TMEM50A: variants seen among roughly 807,000 people sequenced by gnomAD.
TMEM50A encodes cervical cancer oncogene 9.
A neutral mutation model predicts 23.9 loss-of-function variants in TMEM50A; 8 were observed. That is an observed-to-expected ratio of 0.33 (90% confidence interval 0.20 to 0.60). The LOEUF (loss-of-function observed/expected upper bound fraction) is 0.60. Among genes scored for constraint, TMEM50A ranks in the 20% least tolerant of loss-of-function variants. TMEM50A has a pLI of 0.81. For missense variants in TMEM50A, 178 were observed against 192.7 expected (o/e 0.92, Z 0.45); for synonymous variants, 55 against 60.4 (o/e 0.91, Z 0.41).
At position 25,359,810 on chromosome 1, in the gene TMEM50A, CCT is replaced by C. The variant is rs534433749; in HGVS notation, c.429-849_429-848del. On this transcript the variant is annotated intron_variant, in intron 6 of 6. Coordinates refer to ENST00000374358, the MANE Select transcript of TMEM50A (RefSeq NM_014313.4). ...TTCCTACCAATCTCCCATTCAAACC[CCT>C]GTTTTTCCACAAAAGCCCATCTCAC... Among the ~76,000 whole-genome samples the C allele has an allele frequency of 3.4e-3, 513 of 152,278 alleles. 5 individuals carry two copies. Among genetic ancestry groups the C allele is most frequent in the South Asian group, 0.02 (98 of 4,830 alleles).
intron 3 of TMEM50A, among the ~76,000 whole-genome samples, chr1:25,350,072 A>G (rs1362054147): frequency 6.6e-6 from 1 of 152,250 alleles, no homozygotes; most frequent in East Asian, 1.9e-4. Flanking sequence ...AGCCTGTATC[A>G]AGGATTTAAA....
At chr1:25,340,336 TGAA>T in intron 1 of TMEM50A, 135 bp from the exon 2 acceptor site, 1 of 566,904 alleles carries the variant, frequency 1.8e-6, no homozygotes, top group Non-Finnish European at 3.1e-6. Flanking sequence ...TCAAATATTC[TGAA>T]GAAGTATGTG....
Position 25,362,320 on chromosome 1 carries a change from T to C in TMEM50A, c.*1615T>C, listed in dbSNP as rs138115560. ...ATTGATAGCATCATCCTAATGAAAC[T>C]AAACATTTATTTTAAACTTATTAAA... On this transcript the variant is annotated 3_prime_UTR_variant, in exon 7 of 7. Coordinates refer to ENST00000374358, the MANE Select transcript of TMEM50A (RefSeq NM_014313.4). 76 of 1,171,086 alleles carry C rather than the reference T, an allele frequency of 6.5e-5. No individual in the cohort carries two copies. Among genetic ancestry groups the C allele is most frequent in the Non-Finnish European group, 8.7e-5 (72 of 828,566 alleles). 72.5% of individuals were successfully genotyped at this position (1,171,086 alleles called of 1,614,324 possible). A position where few individuals can be genotyped will look rare whatever the true frequency, so the allele number is the denominator to read the frequency against.
chr1:25,352,787 C>CTTT, intron 4 of TMEM50A, 95 bp from the exon 5 acceptor site: 4 of 918,014 alleles, frequency 4.4e-6, no homozygotes, highest in South Asian at 1.9e-5. Context: ...GGCAGTTGCA[C>CTTT]TTTTTTTTTT....
chr1:25,357,650 T>TGTGTG (rs1645349860), intron 6 of TMEM50A, among the ~76,000 whole-genome samples: 1 of 99,136 alleles, frequency 1.0e-5, no homozygotes, highest in Non-Finnish European at 2.1e-5. Flanking sequence ...GTGTGTGTGT[T>TGTGTG]GTTTTGAGAC....
At position 25,354,654 on chromosome 1, in the gene TMEM50A, A is replaced by G. The variant is rs1645314897; in HGVS notation, c.367+1680A>G. Among the ~76,000 whole-genome samples, 3 of 152,058 alleles carry G rather than the reference A, an allele frequency of 2.0e-5. No individual in the cohort carries two copies. The South Asian group carries it at 6.2e-4, about 32-fold the overall frequency. ...AAGAAAAAAAGAAAAAGAAGTAATA[A>G]TAATTTCACCACTCTTCAATATTTT... is the stretch of plus-strand genomic sequence containing the variant. On this transcript the variant is annotated intron_variant, in intron 5 of 6. Coordinates refer to ENST00000374358, the MANE Select transcript of TMEM50A (RefSeq NM_014313.4).
At chr1:25,359,010 C>T (rs1027800209) in intron 6 of TMEM50A, among the ~76,000 whole-genome samples, 6 of 152,222 alleles carry the variant, frequency 3.9e-5, no homozygotes, top group African/African-American at 1.4e-4. Flanking sequence ...CCGCCTTGGC[C>T]TCCCAAAGTG....
chr1:25,342,832 T>C (rs1302047614), intron 2 of TMEM50A, 129 bp from the exon 3 acceptor site: 3 of 626,512 alleles, frequency 4.8e-6, no homozygotes, highest in Non-Finnish European at 8.0e-6. Context: ...CATGTGCAAA[T>C]TACATGTGGG....
intron 3 of TMEM50A, among the ~76,000 whole-genome samples, chr1:25,350,323 T>C (rs1201108739): frequency 6.6e-6 from 1 of 152,210 alleles, no homozygotes; most frequent in African/African-American, 2.4e-5. Flanking sequence ...GAATATCAGA[T>C]AGAACCAAGC....
chr1:25,362,298 G>C lies in TMEM50A; in HGVS notation c.*1593G>C. Reference sequence around the variant, plus strand: ...ATGTGTCTGTAACCAAGAAAATATTGATAGCATCATCCTAATGAAACTAAA... The same window carrying C: ...ATGTGTCTGTAACCAAGAAAATATTCATAGCATCATCCTAATGAAACTAAA... On this transcript the variant is annotated 3_prime_UTR_variant, in exon 7 of 7. Coordinates refer to ENST00000374358, the MANE Select transcript of TMEM50A (RefSeq NM_014313.4). 1.1e-6 allele frequency: 1 copy of C among 940,910 alleles called. No homozygotes were observed. Among genetic ancestry groups the C allele is most frequent in the African/African-American group, 1.7e-5 (1 of 59,800 alleles). The allele number at this position is 940,910 out of a possible 1,614,324, so 58.3% of individuals were successfully genotyped here. A position where few individuals can be genotyped will look rare whatever the true frequency, so the allele number is the denominator to read the frequency against.
chr1:25,361,007 C>A lies in TMEM50A; in HGVS notation c.*302C>A, dbSNP rs906113762. 9 of 285,270 alleles carry A rather than the reference C, an allele frequency of 3.2e-5. No homozygotes were observed. The highest frequency in any genetic ancestry group is 2.4e-3 in the Middle Eastern group (2 of 850). The allele number at this position is 285,270 out of a possible 1,614,324, so 17.7% of individuals were successfully genotyped here. ...ATTACAAAAGAAATTATGGATTTGT[C>A]AATGTAAGTATTTGTCATATCTGAG... On this transcript the variant is annotated 3_prime_UTR_variant, in exon 7 of 7. Transcript: ENST00000374358.
At position 25,343,429 on chromosome 1, in the gene TMEM50A, GTAGT is replaced by G. The variant is rs147075348; in HGVS notation, c.206+361_206+364del. On this transcript the variant is annotated intron_variant, in intron 3 of 6. Transcript: ENST00000374358. Reference sequence around the variant, plus strand: ...CTCTGCTCTAGGTACAGGACATATAGTAGTTAGTAAAACAGGAAAAATCCATGTC... The same window carrying G: ...CTCTGCTCTAGGTACAGGACATATAGTAGTAAAACAGGAAAAATCCATGTC... 4.0e-3 allele frequency among the ~76,000 whole-genome samples: 614 copies of G among 152,266 alleles called. 3 individuals carry two copies. Among genetic ancestry groups the G allele is most frequent in the African/African-American group, 0.013 (557 of 41,544 alleles).
At chr1:25,343,352 T>C (rs1267272828) in intron 3 of TMEM50A, among the ~76,000 whole-genome samples, 1 of 152,202 alleles carries the variant, frequency 6.6e-6, no homozygotes, top group Admixed American at 6.5e-5. Context: ...CTGTGTATTT[T>C]GTCTAAGGGA....
chr1:25,352,367 T>C (rs910797491), intron 4 of TMEM50A, among the ~76,000 whole-genome samples: 1 of 151,590 alleles, frequency 6.6e-6, no homozygotes, highest in Non-Finnish European at 1.5e-5. Flanking sequence ...TGGTGGCGGG[T>C]GCCTGTAGTC....
intron 6 of TMEM50A, 54 bp from the exon 7 acceptor site, chr1:25,360,606 A>G (rs1571811316): frequency 2.5e-6 from 4 of 1,594,738 alleles, no homozygotes; most frequent in Non-Finnish European, 2.6e-6. Flanking sequence ...GAAATCTCAC[A>G]TACTCTTTTC....
chr1:25,344,485 T>C (rs1361206501), intron 3 of TMEM50A, among the ~76,000 whole-genome samples: 1 of 152,184 alleles, frequency 6.6e-6, no homozygotes, highest in Non-Finnish European at 1.5e-5. Flanking sequence ...ATAAAATCGT[T>C]TAGTTTGCTT....
intron 3 of TMEM50A, among the ~76,000 whole-genome samples, chr1:25,349,520 A>T (rs1443417099): frequency 1.3e-5 from 2 of 152,180 alleles, no homozygotes; most frequent in Non-Finnish European, 2.9e-5. Flanking sequence ...CTGTACAGAG[A>T]TCACTGAAAA....
rs772871429 is a variant in TMEM50A, at chr1:25,360,641, T to C, written c.429-19T>C. 6.2e-7 allele frequency: 1 copy of C among 1,613,850 alleles called. No individual in the cohort carries two copies. ...CTCAAATTCAGGGAGTCATGTGATA[T>C]TTCTTGTTTTATTCACAGAGGGCTG... On this transcript the variant is annotated intron_variant, in intron 6 of 6. Transcript: ENST00000374358.
At chr1:25,360,271 C>G (rs971877703) in intron 6 of TMEM50A, among the ~76,000 whole-genome samples, 15 of 151,752 alleles carry the variant, frequency 9.9e-5, no homozygotes, top group African/African-American at 3.6e-4. Context: ...ATGGCATGAA[C>G]CCGGGAGGCA....
Sources: allele counts gnomAD v4.1 joint callset (sites outside exome capture counted in the v4.1 genomes callset), GRCh38; gene constraint gnomAD v4.1.1; transcripts MANE v1.5; gene names NCBI Gene and HGNC (gene_info 2026-07-23, HGNC 2026-07-21).